DCD: variants seen among roughly 807,000 people sequenced by gnomAD.
The protein encoded by DCD is dermcidin, also known as diffusible survival/evasion peptide.
Under a neutral mutation model 14.5 loss-of-function variants are expected in DCD, and 17 were observed. That is an observed-to-expected ratio of 1.18 (90% confidence interval 0.81 to 1.76). The LOEUF is 1.76. Among genes scored for constraint, DCD ranks in the 40% most tolerant of loss-of-function variants. DCD has a pLI of 0.00. For synonymous variants in DCD, 64 were observed against 54.0 expected, an observed-to-expected ratio of 1.19 and a Z score of -0.82; for missense variants, 139 against 133.4, an observed-to-expected ratio of 1.04 and a Z score of -0.21.
chr12:54,646,047 A>G (rs918700423), intron 2 of DCD: 11 of 461,570 alleles, frequency 2.4e-5, no homozygotes, highest in African/African-American at 2.2e-4. Flanking sequence ...GAGGTTTTGC[A>G]GAGGGCACTA....
In DCD at chr12:54,645,616, G is replaced by A; in HGVS notation, c.189C>T (p.Ser63=). The A allele has an allele frequency of 1.9e-6, 3 of 1,614,034 alleles. No individual in the cohort carries two copies. The part of the protein sequence containing the change: ...RQAPKPRKQR[S]SLLEKGLDGA... ...GGGAAAGAGGCTTACCCAGAAGGCT[G>A]GATCTCTGCTTCCTTGGCTTTGGTG... is the stretch of plus-strand genomic sequence containing the variant. Residue 63 remains serine, a synonymous_variant, in exon 3 of 5, where the codon TCC becomes TCT. Transcript: ENST00000293371.
In DCD at chr12:54,647,120, C is replaced by T. The variant is rs145764437; in HGVS notation, c.97+1G>A. The stretch of plus-strand genomic sequence containing the variant: ...GGGCAGGAGGAAGAGAAAGGACTCA[C>T]GGTTCCCCGATCCTGGGGCAGAGGC... On this transcript the variant is annotated splice_donor_variant, in intron 2 of 4. Coordinates refer to ENST00000293371, the MANE Select transcript of DCD (RefSeq NM_053283.4). LOFTEE classifies it high-confidence loss of function. 328 of 1,558,196 alleles carry T rather than the reference C, an allele frequency of 2.1e-4. 3 individuals are homozygous for T. In the African/African-American group the frequency reaches 3.0e-3, roughly 14 times the overall value.
chr12:54,646,555 G>A lies in DCD; in HGVS notation c.97+566C>T, dbSNP rs188683260. 1.1e-4 allele frequency among the ~76,000 whole-genome samples: 17 copies of A among 152,248 alleles called. No individual in the cohort carries two copies. The East Asian group carries it at 3.1e-3, about 28-fold the overall frequency. On this transcript the variant is annotated intron_variant, in intron 2 of 4. Coordinates refer to ENST00000293371, the MANE Select transcript of DCD (RefSeq NM_053283.4). ...TGGGACTTGAAGCTTGTTAGAGCAC[G>A]GACAGGTAGGGGTTGAAAAGGTACC... is the stretch of plus-strand genomic sequence containing the variant.
chr12:54,645,148 G>A, intron 4 of DCD, 25 bp downstream of exon 4: 1 of 1,609,882 alleles, frequency 6.2e-7, no homozygotes. Flanking sequence ...CTGGTCCTGA[G>A]GGAGGAGTGG....
chr12:54,645,495 A>G (rs1302869126), intron 3 of DCD, 111 bp downstream of exon 3: 13 of 1,017,338 alleles, frequency 1.3e-5, no homozygotes, highest in African/African-American at 4.7e-5. Context: ...CCCTAGGAAT[A>G]TGGGTGTAGC....
At chr12:54,645,532 G>A (rs1958252260) in intron 3 of DCD, 74 bp downstream of exon 3, 1 of 1,363,580 alleles carries the variant, frequency 7.3e-7, no homozygotes. Flanking sequence ...TGCCTGTGAG[G>A]GCAGACTGGC....
chr12:54,647,301 G>A lies in DCD; in HGVS notation c.59-142C>T, dbSNP rs78485858. 1.5e-3 allele frequency: 1,104 copies of A among 729,510 alleles called. 8 individuals are homozygous for A. The African/African-American group carries it at 0.018, about 12-fold the overall frequency. 45.2% of individuals were successfully genotyped at this position (729,510 alleles called of 1,614,324 possible). ...CAGGAGAGAAATCTCTGCTTCACAA[G>A]GGGCCCACTAGAAATGCTTTTTGGT... On this transcript the variant is annotated intron_variant, in intron 1 of 4. Transcript: ENST00000293371.
chr12:54,647,635 A>G (rs1451021640), intron 1 of DCD, among the ~76,000 whole-genome samples: 1 of 152,226 alleles, frequency 6.6e-6, no homozygotes, highest in Non-Finnish European at 1.5e-5. Flanking sequence ...CTAGAGATAC[A>G]GCTGTGAGGA....
Position 54,644,768 on chromosome 12 carries a change from A to G in DCD, c.290-12T>C. 1 of 1,602,382 alleles carries G rather than the reference A, an allele frequency of 6.2e-7. No individual in the cohort carries two copies. ...GTCATGGACGGCTCCTAGGACAGCC[A>G]CAGAAAAAAATGGGGTAAAGGGGTA... On this transcript the variant is annotated splice_polypyrimidine_tract_variant and intron_variant, in intron 4 of 4. Transcript: ENST00000293371.
chr12:54,646,239 G>T, intron 2 of DCD: 1 of 434,720 alleles, frequency 2.3e-6, no homozygotes, highest in Non-Finnish European at 4.6e-6. Context: ...GTTCCCTCTG[G>T]GCTTTATGTG....
At chr12:54,648,150 T>G in intron 1 of DCD, 96 bp downstream of exon 1, 1 of 1,389,800 alleles carries the variant, frequency 7.2e-7, no homozygotes, top group Non-Finnish European at 1.0e-6. Flanking sequence ...CAGACTTGGG[T>G]GAACTGCCTC....
chr12:54,645,480 G>A (rs1958251850), intron 3 of DCD, 126 bp downstream of exon 3: 3 of 941,686 alleles, frequency 3.2e-6, no homozygotes, highest in African/African-American at 1.6e-5. Flanking sequence ...TGCACCCCAA[G>A]CCCTCCCTAG....
At chr12:54,647,878 G>A (rs1015727432) in intron 1 of DCD, among the ~76,000 whole-genome samples, 1 of 152,204 alleles carries the variant, frequency 6.6e-6, no homozygotes, top group Non-Finnish European at 1.5e-5. Context: ...TGGAAATTGA[G>A]TAGGAAGGAG....
intron 2 of DCD, 100 bp downstream of exon 2, chr12:54,647,021 C>A: frequency 7.7e-7 from 1 of 1,296,436 alleles, no homozygotes; most frequent in Non-Finnish European, 1.1e-6. Context: ...AACTCTCCTT[C>A]CCCGGACCCC....
At chr12:54,646,143 T>G (rs1394306447) in intron 2 of DCD, 1 of 456,456 alleles carries the variant, frequency 2.2e-6, no homozygotes, top group Non-Finnish European at 4.4e-6. Flanking sequence ...AACAATCCAT[T>G]TGTTTATCTG....
chr12:54,645,343 C>T, intron 3 of DCD, 81 bp from the exon 4 acceptor site: 1 of 1,334,164 alleles, frequency 7.5e-7, no homozygotes, highest in South Asian at 1.2e-5. Flanking sequence ...GCTTCCTAGG[C>T]ACCATGGGCA....
chr12:54,646,966 C>T (rs763669795), intron 2 of DCD, among the ~76,000 whole-genome samples, 155 bp downstream of exon 2: 2 of 152,172 alleles, frequency 1.3e-5, no homozygotes, highest in Non-Finnish European at 2.9e-5. Context: ...GCATGAGTCT[C>T]TCAGGAAGTC....
At chr12:54,644,918 G>A (rs150921024) in intron 4 of DCD, 162 bp from the exon 5 acceptor site, 11 of 1,549,892 alleles carry the variant, frequency 7.1e-6, no homozygotes, top group Admixed American at 3.9e-5. Context: ...AGATTCACAG[G>A]AGCCCCAAAG....
At chr12:54,647,395 T>C (rs1958269595) in intron 1 of DCD, among the ~76,000 whole-genome samples, 1 of 152,206 alleles carries the variant, frequency 6.6e-6, no homozygotes, top group African/African-American at 2.4e-5. Flanking sequence ...CCTATGGAAA[T>C]GGAATCATTC....
Sources: gnomAD v4.1 joint callset for allele counts (sites outside exome capture counted in the v4.1 genomes callset) on GRCh38, gnomAD v4.1.1 for gene constraint, MANE v1.5 for transcripts, NCBI Gene and HGNC (gene_info 2026-07-23, HGNC 2026-07-21) for gene names.